Variants in TMPRSS11E observed in about 807,000 individuals in gnomAD.
TMPRSS11E encodes transmembrane protease serine 11E.
TMPRSS11E carries 38 observed loss-of-function variants against 48.1 expected under a neutral mutation model. That is an observed-to-expected ratio of 0.79 (90% CI 0.61 to 1.04). The LOEUF (loss-of-function observed/expected upper bound fraction) is 1.04, where lower values mean the gene tolerates loss of function less well. Ranked by LOEUF, TMPRSS11E falls within the 50% of genes least tolerant of loss-of-function variation. TMPRSS11E has a pLI of 0.00. For synonymous variants in TMPRSS11E, 158 were observed against 171.9 expected (o/e 0.92, Z 0.63); for missense variants, 530 against 510.8 (o/e 1.04, Z -0.36).
intron 1 of TMPRSS11E, among the ~76,000 whole-genome samples, chr4:68,450,059 T>C (rs141592151): frequency 5.5e-4 from 84 of 152,004 alleles, no homozygotes; most frequent in African/African-American, 1.9e-3. Context: ...AAAATTAATG[T>C]AGCAGTGTTA....
chr4:68,470,793 A>C (rs972639664), intron 4 of TMPRSS11E, among the ~76,000 whole-genome samples: 4 of 151,890 alleles, frequency 2.6e-5, no homozygotes, highest in African/African-American at 9.7e-5. Context: ...AGACTAATTA[A>C]TGCTCTGTGT....
chr4:68,479,417 T>C (rs1393809794), intron 9 of TMPRSS11E, among the ~76,000 whole-genome samples: 1 of 151,526 alleles, frequency 6.6e-6, no homozygotes, highest in Non-Finnish European at 1.5e-5. Flanking sequence ...TTGGATCATC[T>C]ATTGGTATTT....
chr4:68,492,370 C>A (rs1398162846), intron 9 of TMPRSS11E, among the ~76,000 whole-genome samples: 1 of 152,202 alleles, frequency 6.6e-6, no homozygotes, highest in East Asian at 1.9e-4. Context: ...ACTCAATGAG[C>A]ATATTCTTAC....
At chr4:68,487,924 A>C (rs542709104) in intron 9 of TMPRSS11E, among the ~76,000 whole-genome samples, 3 of 126,372 alleles carry the variant, frequency 2.4e-5, no homozygotes, top group African/African-American at 9.7e-5. Context: ...CTGGGTGACA[A>C]GGGTGAGACT....
intron 3 of TMPRSS11E, among the ~76,000 whole-genome samples, chr4:68,468,049 A>G (rs1331099918): frequency 1.3e-5 from 2 of 152,146 alleles, no homozygotes; most frequent in African/African-American, 4.8e-5. Flanking sequence ...GAATACTGCC[A>G]TCCTATTCAG....
chr4:68,478,802 T>TTC, intron 8 of TMPRSS11E, 47 bp from the exon 9 acceptor site: 1 of 1,592,584 alleles, frequency 6.3e-7, no homozygotes, highest in Non-Finnish European at 8.6e-7. Flanking sequence ...TTCAAGTTTA[T>TTC]AAAATATATG....
chr4:68,465,308 G>C (rs1458641888), intron 2 of TMPRSS11E, among the ~76,000 whole-genome samples: 1 of 152,168 alleles, frequency 6.6e-6, no homozygotes, highest in African/African-American at 2.4e-5. Flanking sequence ...GCCCTTGTCA[G>C]AGTCTGATGG....
chr4:68,474,614 G>C, intron 5 of TMPRSS11E, 109 bp from the exon 6 acceptor site: 1 of 983,434 alleles, frequency 1.0e-6, no homozygotes, highest in Non-Finnish European at 1.6e-6. Context: ...TTATAATCTA[G>C]AGATACTGTT....
chr4:68,488,104 T>A (rs529719593), intron 9 of TMPRSS11E, among the ~76,000 whole-genome samples: 1 of 152,140 alleles, frequency 6.6e-6, no homozygotes. Context: ...TTTTCTTTCA[T>A]GTTGACCTTG....
intron 5 of TMPRSS11E, among the ~76,000 whole-genome samples, chr4:68,474,320 G>A (rs902391719): frequency 2.6e-5 from 4 of 152,092 alleles, no homozygotes; most frequent in Non-Finnish European, 2.9e-5. Flanking sequence ...TGAAATAATG[G>A]TTAATAAAGG....
At chr4:68,491,961 G>A (rs1343786282) in intron 9 of TMPRSS11E, among the ~76,000 whole-genome samples, 7 of 152,138 alleles carry the variant, frequency 4.6e-5, no homozygotes, top group Non-Finnish European at 8.8e-5. Flanking sequence ...TGGGTTAGTC[G>A]TTTTAGCAAT....
chr4:68,471,477 T>C lies in TMPRSS11E; in HGVS notation c.344T>C (p.Val115Ala). 6.4e-7 allele frequency: 1 copy of C among 1,562,540 alleles called. No individual in the cohort carries two copies. The highest frequency in any genetic ancestry group is 8.6e-7 in the Non-Finnish European group (1 of 1,156,228). ...GCCCACAGTCAACAGAAGCATGGAG[T>C]GTTGGCTCATATGCTGTTGATTTGT... ...VIKFSQQKHG[V>A]LAHMLLICRF... Residue 115 changes from valine (V) to alanine (A), a missense_variant, in exon 5 of 10, where the codon GTG becomes GCG. Physicochemically the swap from Val to Ala is moderately conservative, Grantham distance 64. Coordinates refer to ENST00000305363, the MANE Select transcript of TMPRSS11E (RefSeq NM_014058.4).
chr4:68,465,345 C>T (rs183625755), intron 2 of TMPRSS11E, among the ~76,000 whole-genome samples: 3 of 152,292 alleles, frequency 2.0e-5, no homozygotes, highest in Admixed American at 1.3e-4. Flanking sequence ...CCCATCAAAT[C>T]CTCTGGATGG....
At chr4:68,461,712 C>A in intron 1 of TMPRSS11E, 109 bp from the exon 2 acceptor site, 3 of 1,541,646 alleles carry the variant, frequency 1.9e-6, no homozygotes, top group Non-Finnish European at 1.8e-6. Context: ...CCAGACAGTA[C>A]ACGACCCTCC....
At chr4:68,467,334 A>G (rs1445723245) in intron 3 of TMPRSS11E, among the ~76,000 whole-genome samples, 2 of 152,188 alleles carry the variant, frequency 1.3e-5, no homozygotes, top group East Asian at 3.9e-4. Flanking sequence ...TGAGGGATCA[A>G]TTAAATACTT....
Position 68,466,727 on chromosome 4 carries a change from A to C in TMPRSS11E, c.233A>C (p.Glu78Ala). The C allele has an allele frequency of 6.2e-7, 1 of 1,613,746 alleles. No individual in the cohort carries two copies. The highest frequency in any genetic ancestry group is 8.5e-7 in the Non-Finnish European group (1 of 1,179,718). ...FGREASNNFT[E>A]MSQRLESMVK... ...AGAGAGGCTTCTAACAATTTTACAGAAATGAGCCAGAGACTTGAATCAATG... is the reference window on the plus strand; with the variant it reads ...AGAGAGGCTTCTAACAATTTTACAGCAATGAGCCAGAGACTTGAATCAATG... The change falls in exon 3 of 10, where the codon GAA (glutamate) becomes GCA (alanine). Residue 78 changes from glutamate (E) to alanine (A), a missense_variant. Glu to Ala is a moderately radical substitution (Grantham distance 107, BLOSUM62 -1). Transcript: ENST00000305363.
intron 9 of TMPRSS11E, among the ~76,000 whole-genome samples, chr4:68,491,873 A>G (rs868249148): frequency 2.1e-5 from 3 of 145,376 alleles, no homozygotes; most frequent in African/African-American, 7.5e-5. Flanking sequence ...CATGAACACT[A>G]TCTGTATTGC....
intron 1 of TMPRSS11E, 32 bp downstream of exon 1, chr4:68,447,555 C>T (rs1728373943): frequency 5.6e-6 from 9 of 1,599,818 alleles, no homozygotes; most frequent in Non-Finnish European, 6.0e-6. Flanking sequence ...TTCTAGAAGT[C>T]TTAAGGTAAC....
chr4:68,458,594 T>A (rs1197934768), intron 1 of TMPRSS11E, among the ~76,000 whole-genome samples: 8 of 152,192 alleles, frequency 5.3e-5, no homozygotes, highest in Admixed American at 5.2e-4. Context: ...AAACGTCTGT[T>A]GATATGTAAA....
Sources: allele counts gnomAD v4.1 joint callset (sites outside exome capture counted in the v4.1 genomes callset), GRCh38; gene constraint gnomAD v4.1.1; transcripts MANE v1.5; gene names NCBI Gene and HGNC (gene_info 2026-07-23, HGNC 2026-07-21).